Variants in CAST observed in about 807,000 individuals in gnomAD.
CAST encodes the protein calpastatin.
Under a neutral mutation model 119.6 loss-of-function variants are expected in CAST, and 76 were observed. That is an observed-to-expected ratio of 0.64 (90% CI 0.53 to 0.77). The LOEUF (loss-of-function observed/expected upper bound fraction) is 0.77, where lower values mean the gene tolerates loss of function less well. Among genes scored for constraint, CAST ranks in the 30% least tolerant of loss-of-function variants. CAST has a pLI of 0.00. For missense variants in CAST, 953 were observed against 946.5 expected, an observed-to-expected ratio of 1.01 and a Z score of -0.09; for synonymous variants, 319 against 331.6, an observed-to-expected ratio of 0.96 and a Z score of 0.41.
chr5:96,346,055 TC>T, the CAST span, among the ~76,000 whole-genome samples: 1 of 152,162 alleles, frequency 6.6e-6, no homozygotes, highest in African/African-American at 2.4e-5. Flanking sequence ...GTCACAATGA[TC>T]CAATTGAGAA....
intron 1 of CAST, among the ~76,000 whole-genome samples, chr5:96,626,199 C>A (rs1747718957): frequency 6.6e-6 from 1 of 152,146 alleles, no homozygotes; most frequent in African/African-American, 2.4e-5. Context: ...GGGCCTGTAG[C>A]CTTTGGAGGA....
intron 1 of CAST, among the ~76,000 whole-genome samples, chr5:96,602,666 C>T (rs1747176577): frequency 6.6e-6 from 1 of 152,148 alleles, no homozygotes; most frequent in South Asian, 2.1e-4. Context: ...AGGAGAATCG[C>T]TTGAACCTGG....
the CAST span, among the ~76,000 whole-genome samples, chr5:96,033,625 T>A: frequency 6.6e-6 from 1 of 152,120 alleles, no homozygotes; most frequent in Non-Finnish European, 1.5e-5. Context: ...GATCTGCATC[T>A]CATACCATAT....
the CAST span, among the ~76,000 whole-genome samples, chr5:96,046,187 G>T: frequency 6.6e-6 from 1 of 152,142 alleles, no homozygotes; most frequent in African/African-American, 2.4e-5. Flanking sequence ...TCTAGTGCCA[G>T]ATCATGGACA....
chr5:96,021,291 A>G, the CAST span, among the ~76,000 whole-genome samples: 1 of 152,136 alleles, frequency 6.6e-6, no homozygotes, highest in Non-Finnish European at 1.5e-5. Context: ...ACTTAATAGA[A>G]CTTTTTCACA....
chr5:96,095,364 G>T, the CAST span, among the ~76,000 whole-genome samples: 1 of 151,620 alleles, frequency 6.6e-6, no homozygotes, highest in Non-Finnish European at 1.5e-5. Flanking sequence ...TGAGAGGATC[G>T]CTGGAGGCCA....
the CAST span, among the ~76,000 whole-genome samples, chr5:96,353,100 A>C: frequency 6.6e-6 from 1 of 150,474 alleles, no homozygotes; most frequent in East Asian, 1.9e-4. Flanking sequence ...AAGAGGCAAA[A>C]ACTTACAAAT....
intron 1 of CAST, among the ~76,000 whole-genome samples, chr5:96,636,981 G>A (rs1747895483): frequency 6.6e-6 from 1 of 152,106 alleles, no homozygotes; most frequent in South Asian, 2.1e-4. Context: ...GGGGGTCAGA[G>A]CTGGAATAGA....
At chr5:96,496,706 T>G in the CAST span, among the ~76,000 whole-genome samples, 2 of 152,222 alleles carry the variant, frequency 1.3e-5, no homozygotes, top group Non-Finnish European at 2.9e-5. Context: ...TTATCATCTA[T>G]TCTATAGATG....
intron 1 of CAST, among the ~76,000 whole-genome samples, chr5:96,560,915 T>A (rs1051181160): frequency 2.0e-5 from 3 of 152,174 alleles, no homozygotes; most frequent in Non-Finnish European, 4.4e-5. Context: ...ATGTTTATTG[T>A]GGCACTATTC....
intron 3 of CAST, among the ~76,000 whole-genome samples, chr5:96,715,850 C>A (rs1048795915): frequency 1.4e-4 from 22 of 152,164 alleles, no homozygotes; most frequent in African/African-American, 4.8e-4. Context: ...TACAAGTTGG[C>A]ACTGTAACTA....
chr5:96,141,079 GTCAGATAAATGTATATTCATTATACAT>G, the CAST span, among the ~76,000 whole-genome samples: 5 of 151,986 alleles, frequency 3.3e-5, no homozygotes, highest in Admixed American at 6.5e-5. Flanking sequence ...GTAGGAATTT[GTCAGATAAATGTATATTCATTATACAT>G]TCAGATAAAT....
intron 30 of CAST, 68 bp from the exon 31 acceptor site, chr5:96,771,576 G>C: frequency 8.4e-7 from 1 of 1,189,778 alleles, no homozygotes; most frequent in Non-Finnish European, 1.2e-6. Context: ...CCCTAATTCT[G>C]AGAAGGCCAT....
At chr5:96,767,878 A>C (rs1770577816) in intron 28 of CAST, 29 bp from the exon 29 acceptor site, 1 of 1,468,502 alleles carries the variant, frequency 6.8e-7, no homozygotes, top group Non-Finnish European at 9.5e-7. Flanking sequence ...CTGCTTCTTC[A>C]CTGATGGTTA....
the CAST span, among the ~76,000 whole-genome samples, chr5:96,102,473 G>C: frequency 5.3e-5 from 8 of 152,258 alleles, no homozygotes; most frequent in East Asian, 1.9e-4. Context: ...GGCAATACTT[G>C]TTTGGTAAAA....
At chr5:96,654,048 G>A (rs1157340138) in intron 1 of CAST, among the ~76,000 whole-genome samples, 8 of 137,344 alleles carry the variant, frequency 5.8e-5, no homozygotes, top group Admixed American at 3.0e-4. Flanking sequence ...TTTTTGAGAC[G>A]GAGTCTCACT....
chr5:96,214,545 G>A, the CAST span, among the ~76,000 whole-genome samples: 2 of 152,142 alleles, frequency 1.3e-5, no homozygotes, highest in Non-Finnish European at 2.9e-5. Flanking sequence ...AAGACTGGGC[G>A]ATTCATCTAT....
At chr5:96,261,380 G>A in the CAST span, among the ~76,000 whole-genome samples, 2 of 152,224 alleles carry the variant, frequency 1.3e-5, no homozygotes, top group Non-Finnish European at 2.9e-5. Context: ...CCATGTCTGT[G>A]TCTTGGGTGA....
chr5:96,707,752 G>A (rs773986549), intron 3 of CAST, among the ~76,000 whole-genome samples: 1 of 152,108 alleles, frequency 6.6e-6, no homozygotes, highest in Non-Finnish European at 1.5e-5. Context: ...ACAGATTAAA[G>A]CGCTTAGTAT....
Sources: allele counts gnomAD v4.1 joint callset (sites outside exome capture counted in the v4.1 genomes callset), GRCh38; gene constraint gnomAD v4.1.1; transcripts MANE v1.5; gene names NCBI Gene and HGNC (gene_info 2026-07-23, HGNC 2026-07-21).